SLC9A1: variants seen among roughly 807,000 people sequenced by gnomAD.
SLC9A1 encodes sodium/hydrogen exchanger 1.
SLC9A1 carries 22 observed loss-of-function variants against 67.9 expected under a neutral mutation model. The ratio of observed to expected loss-of-function variants is 0.32; its 90% CI spans 0.23 to 0.46. SLC9A1 has a LOEUF of 0.46. SLC9A1 is among the 20% of genes least tolerant of loss of function. The pLI, the probability that SLC9A1 is intolerant of heterozygous loss-of-function variation, is 1.00. For missense variants in SLC9A1, 686 were observed against 1,094.8 expected (o/e 0.63, Z 5.27); for synonymous variants, 421 against 471.8 (o/e 0.89, Z 1.40).
At chr1:27,107,458 C>T (rs538051299) in intron 4 of SLC9A1, among the ~76,000 whole-genome samples, 190 bp downstream of exon 4, 49 of 149,426 alleles carry the variant, frequency 3.3e-4, no homozygotes, top group African/African-American at 6.4e-4. Context: ...ACACGCAATA[C>T]GCATACACAC....
chr1:27,109,882 C>T lies in SLC9A1; in HGVS notation c.814-105G>A. Reference sequence around the variant, plus strand: ...CTGTCCCCTCCGTTAACCATGGCCACAAGAAGAGGCCACACGGTAGCAGAG... The same window carrying T: ...CTGTCCCCTCCGTTAACCATGGCCATAAGAAGAGGCCACACGGTAGCAGAG... On this transcript the variant is annotated intron_variant, in intron 2 of 11. Transcript: ENST00000263980. The surrounding 1 kb of genome is among the most constrained non-coding windows in gnomAD (Gnocchi z 5.5). 1 of 1,303,252 alleles carries T rather than the reference C, an allele frequency of 7.7e-7. No homozygotes were observed. The highest frequency in any genetic ancestry group is 1.5e-5 in the African/African-American group (1 of 68,030). The allele number at this position is 1,303,252 out of a possible 1,614,324, so 80.7% of individuals were successfully genotyped here. A position where few individuals can be genotyped will look rare whatever the true frequency, so the allele number is the denominator to read the frequency against.
At chr1:27,119,451 AG>A (rs976627128) in intron 1 of SLC9A1, among the ~76,000 whole-genome samples, 9 of 152,308 alleles carry the variant, frequency 5.9e-5, no homozygotes, top group Admixed American at 5.9e-4. Context: ...CCAGGTCCCA[AG>A]GGATTCCTAG....
At chr1:27,152,069 G>C (rs1202184918) in intron 1 of SLC9A1, among the ~76,000 whole-genome samples, 1 of 152,198 alleles carries the variant, frequency 6.6e-6, no homozygotes, top group African/African-American at 2.4e-5. Flanking sequence ...CAAGGACAGA[G>C]GGAGGTAGGA....
intron 6 of SLC9A1, 49 bp from the exon 7 acceptor site, chr1:27,102,792 C>A: frequency 1.3e-6 from 2 of 1,520,706 alleles, no homozygotes; most frequent in South Asian, 1.1e-5. Context: ...GGCGCCTTCC[C>A]TACCAAGACC....
Position 27,107,627 on chromosome 1 carries a change from CG to C in SLC9A1, c.1282+20del. The C allele has an allele frequency of 6.5e-7, 1 of 1,536,506 alleles. No homozygotes were observed. Among genetic ancestry groups the C allele is most frequent in the Non-Finnish European group, 8.8e-7 (1 of 1,138,522 alleles). Reference sequence around the variant, plus strand: ...ACACCCCACACCACAACCCCCACCCCGCCCCAGCCCTGGCCCTCACCCAGCA... The same window carrying C: ...ACACCCCACACCACAACCCCCACCCCCCCCAGCCCTGGCCCTCACCCAGCA... On this transcript the variant is annotated intron_variant, in intron 4 of 11. Transcript: ENST00000263980.
At chr1:27,116,370 G>GC (rs1261433538) in intron 1 of SLC9A1, among the ~76,000 whole-genome samples, 1 of 151,722 alleles carries the variant, frequency 6.6e-6, no homozygotes, top group Non-Finnish European at 1.5e-5. Flanking sequence ...GGGCAACAGA[G>GC]CAAGACTCCA....
chr1:27,132,347 C>G (rs766883362), intron 1 of SLC9A1, among the ~76,000 whole-genome samples: 2 of 152,124 alleles, frequency 1.3e-5, no homozygotes, highest in Non-Finnish European at 2.9e-5. Flanking sequence ...ATACTACCCT[C>G]TTTCAGGAAG....
chr1:27,119,042 A>AACACAC (rs35231148), intron 1 of SLC9A1, among the ~76,000 whole-genome samples: 2,725 of 139,404 alleles, frequency 0.02, 57 homozygotes, highest in Admixed American at 0.058. Flanking sequence ...AGCTGGAACG[A>AACACAC]ACACACACAC....
At position 27,109,082 on chromosome 1, in the gene SLC9A1, G is replaced by A. The variant is rs1010552121; in HGVS notation, c.1064+445C>T. Among the ~76,000 whole-genome samples, 1 of 152,108 alleles carries A rather than the reference G, an allele frequency of 6.6e-6. No individual in the cohort carries two copies. Among genetic ancestry groups the A allele is most frequent in the African/African-American group, 2.4e-5 (1 of 41,432 alleles). The stretch of plus-strand genomic sequence containing the variant: ...CCCATTCTCCCCATTTCCAGACCCG[G>A]TGGAGACCTCAGGACCGCCAGGACT... On this transcript the variant is annotated intron_variant, in intron 3 of 11. Coordinates refer to ENST00000263980, the MANE Select transcript of SLC9A1 (RefSeq NM_003047.5). This position sits in a 1 kb window ranked among gnomAD's most constrained non-coding sequence, Gnocchi z 5.5.
chr1:27,113,754 G>C, intron 2 of SLC9A1, 72 bp downstream of exon 2: 1 of 1,120,326 alleles, frequency 8.9e-7, no homozygotes, highest in Non-Finnish European at 1.3e-6. Context: ...GCGGGTGGAT[G>C]AGGGATTCAC....
At chr1:27,116,185 C>G in intron 1 of SLC9A1, among the ~76,000 whole-genome samples, 1 of 152,100 alleles carries the variant, frequency 6.6e-6, no homozygotes, top group East Asian at 1.9e-4. Flanking sequence ...TATGGTGAAA[C>G]CCTGTCTCTA....
At chr1:27,107,202 A>C (rs200287972) in intron 4 of SLC9A1, among the ~76,000 whole-genome samples, 6 of 138,038 alleles carry the variant, frequency 4.3e-5, no homozygotes, top group Admixed American at 7.2e-5. Context: ...ACACACACAC[A>C]CACACACCCA....
chr1:27,114,162 G>T lies in SLC9A1; in HGVS notation c.477C>A (p.Asp159Glu), dbSNP rs367684852. 1 of 1,614,050 alleles carries T rather than the reference G, an allele frequency of 6.2e-7. No individual in the cohort carries two copies. The highest frequency in any genetic ancestry group is 1.3e-5 in the African/African-American group (1 of 74,920). Reference protein sequence around the residue: ...VGETPPFLQSDVFFLFLLPPI... With the variant: ...VGETPPFLQSEVFFLFLLPPI... Reference sequence around the variant, plus strand: ...GCGGCAGCAGGAAGAGGAAGAAGACGTCGGACTGCAGGAAGGGGGGTGTCT... The same window carrying T: ...GCGGCAGCAGGAAGAGGAAGAAGACTTCGGACTGCAGGAAGGGGGGTGTCT... The change falls in exon 2 of 12, where the codon GAC (aspartate) becomes GAA (glutamate). Residue 159 changes from aspartate to glutamate, a missense_variant. Transcript: ENST00000263980. This position sits in a 1 kb window ranked among gnomAD's most constrained non-coding sequence, Gnocchi z 5.4.
At position 27,144,519 on chromosome 1, in the gene SLC9A1, C is replaced by A. The variant is rs574540575; in HGVS notation, c.352+9464G>T. 2.3e-3 allele frequency among the ~76,000 whole-genome samples: 343 copies of A among 152,342 alleles called. 1 individual carries two copies. The highest frequency in any genetic ancestry group is 7.9e-3 in the African/African-American group (328 of 41,574). ...CGCTCCCAGCGAGCTCAGTTAAACT[C>A]CTTGGCTTGGCAGTCTGGTGCCAAG... On this transcript the variant is annotated intron_variant, in intron 1 of 11. Coordinates refer to ENST00000263980, the MANE Select transcript of SLC9A1 (RefSeq NM_003047.5).
chr1:27,129,833 T>C (rs986643923), intron 1 of SLC9A1, among the ~76,000 whole-genome samples: 1 of 152,168 alleles, frequency 6.6e-6, no homozygotes, highest in Non-Finnish European at 1.5e-5. Flanking sequence ...ATGCTCTGTA[T>C]ACTTCAATCA....
chr1:27,121,691 C>T (rs1465828736), intron 1 of SLC9A1, among the ~76,000 whole-genome samples: 2 of 152,106 alleles, frequency 1.3e-5, no homozygotes, highest in Non-Finnish European at 2.9e-5. Flanking sequence ...ATAGCCTCTC[C>T]CTCTCTCCTT....
At chr1:27,147,609 C>T (rs921093634) in intron 1 of SLC9A1, among the ~76,000 whole-genome samples, 1 of 152,030 alleles carries the variant, frequency 6.6e-6, no homozygotes, top group Middle Eastern at 3.4e-3. Context: ...TCAAAACCAG[C>T]CTGGACAACA....
intron 6 of SLC9A1, 22 bp downstream of exon 6, chr1:27,103,201 G>C: frequency 1.3e-6 from 2 of 1,575,640 alleles, no homozygotes; most frequent in Non-Finnish European, 1.7e-6. Context: ...TGCAACCAAG[G>C]GCCCAGCCCG....
intron 1 of SLC9A1, among the ~76,000 whole-genome samples, chr1:27,144,748 C>T (rs1052285386): frequency 3.9e-5 from 6 of 152,244 alleles, no homozygotes; most frequent in African/African-American, 1.4e-4. Context: ...GTGGCTCACG[C>T]CTTTAATCTC....
Sources: allele counts gnomAD v4.1 joint callset (sites outside exome capture counted in the v4.1 genomes callset), GRCh38; gene constraint gnomAD v4.1.1; non-coding constraint Gnocchi (gnomAD v3.1); transcripts MANE v1.5; gene names NCBI Gene and HGNC (gene_info 2026-07-23, HGNC 2026-07-21).